Variants in IPO5 observed in about 807,000 individuals in gnomAD.
IPO5 encodes the protein importin 5.
Under a neutral mutation model 143.3 loss-of-function variants are expected in IPO5, and 18 were observed. The observed-to-expected ratio is 0.13, with a 90% CI of 0.09 to 0.19. The LOEUF (loss-of-function observed/expected upper bound fraction) is 0.19. IPO5 is among the 10% of genes least tolerant of loss of function. The pLI is 1.00. For synonymous variants in IPO5, 477 were observed against 465.7 expected (o/e 1.02, Z -0.31); for missense variants, 1,013 against 1,336.9 (o/e 0.76, Z 3.78).
intron 7 of IPO5, among the ~76,000 whole-genome samples, chr13:97,989,541 T>C (rs938995513): frequency 6.6e-6 from 1 of 152,244 alleles, no homozygotes; most frequent in African/African-American, 2.4e-5. Flanking sequence ...ATCCCCATTA[T>C]GTTTTCTGGG....
In IPO5 at chr13:97,999,258, G is replaced by A. The variant is rs909046005; in HGVS notation, c.1002-1281G>A. Among the ~76,000 whole-genome samples the A allele has an allele frequency of 5.9e-5, 9 of 152,250 alleles. No individual in the cohort carries two copies. The South Asian group carries it at 6.2e-4, about 11-fold the overall frequency. On this transcript the variant is annotated intron_variant, in intron 12 of 28. Coordinates refer to ENST00000651721, the MANE Select transcript of IPO5 (RefSeq NM_002271.6). Reference sequence around the variant, plus strand: ...GGCTTTAGAATATATATGCATTTTTGAGACTTAATCCCATTGTTAAAAATG... The same window carrying A: ...GGCTTTAGAATATATATGCATTTTTAAGACTTAATCCCATTGTTAAAAATG...
intron 11 of IPO5, among the ~76,000 whole-genome samples, chr13:97,996,865 T>C (rs779903505): frequency 3.9e-5 from 6 of 152,202 alleles, no homozygotes; most frequent in Non-Finnish European, 7.3e-5. Flanking sequence ...GTGCTGGGAT[T>C]ACAGGCATAA....
At chr13:97,995,862 ATT>A (rs1047617319) in intron 11 of IPO5, among the ~76,000 whole-genome samples, 2 of 152,220 alleles carry the variant, frequency 1.3e-5, no homozygotes, top group African/African-American at 4.8e-5. Context: ...TTACAGATAT[ATT>A]TTACAAGTAA....
chr13:98,006,219 C>G lies in IPO5; in HGVS notation c.1587C>G (p.Pro529=). The G allele has an allele frequency of 6.2e-7, 1 of 1,613,696 alleles. No homozygotes were observed. Among genetic ancestry groups the G allele is most frequent in the Non-Finnish European group, 8.5e-7 (1 of 1,179,706 alleles). The change falls in exon 17 of 29, where the codon CCC becomes CCG. Residue 529 remains proline, a synonymous_variant. Transcript: ENST00000651721. Reference sequence around the variant, plus strand: ...ATACTGCAGAAGAAAAATTTGTCCCCTACTATGATTTATTTATGCCATCAC... The same window carrying G: ...ATACTGCAGAAGAAAAATTTGTCCCGTACTATGATTTATTTATGCCATCAC... ...VADTAEEKFV[P]YYDLFMPSLK... is the part of the protein sequence containing the mutation.
chr13:97,972,710 G>A (rs942934373), intron 3 of IPO5, among the ~76,000 whole-genome samples: 3 of 151,966 alleles, frequency 2.0e-5, no homozygotes, highest in South Asian at 2.1e-4. Flanking sequence ...ATTTTAATGC[G>A]GCCAAAGCAA....
At chr13:97,967,688 G>A (rs1463199024) in intron 2 of IPO5, among the ~76,000 whole-genome samples, 1 of 152,116 alleles carries the variant, frequency 6.6e-6, no homozygotes, top group Non-Finnish European at 1.5e-5. Flanking sequence ...CTGGAGTGCA[G>A]TGGCTCGATC....
chr13:97,974,576 C>G (rs1251970776), intron 3 of IPO5, among the ~76,000 whole-genome samples: 1 of 151,696 alleles, frequency 6.6e-6, no homozygotes, highest in East Asian at 1.9e-4. Flanking sequence ...CCCCAAAGTG[C>G]TGGGATTACA....
At chr13:98,019,833 A>G in intron 27 of IPO5, 24 bp downstream of exon 27, 1 of 1,488,096 alleles carries the variant, frequency 6.7e-7, no homozygotes, top group Non-Finnish European at 9.4e-7. Flanking sequence ...CTGTGACCTT[A>G]TTTCCTTCTC....
At chr13:97,984,131 A>G (rs1887122657) in intron 5 of IPO5, among the ~76,000 whole-genome samples, 2 of 149,752 alleles carry the variant, frequency 1.3e-5, no homozygotes. Context: ...GGCGCCCGCC[A>G]CTACGCCCGG....
intron 4 of IPO5, among the ~76,000 whole-genome samples, chr13:97,978,263 A>G (rs999515287): frequency 6.6e-6 from 1 of 152,142 alleles, no homozygotes; most frequent in African/African-American, 2.4e-5. Flanking sequence ...GGCTTATAAT[A>G]CTATTTACAC....
intron 9 of IPO5, among the ~76,000 whole-genome samples, chr13:97,991,001 A>G (rs1369794899): frequency 6.6e-6 from 1 of 152,192 alleles, no homozygotes; most frequent in Non-Finnish European, 1.5e-5. Flanking sequence ...GCAAAATAAG[A>G]TGAGACAAGA....
rs1890345051 is a variant in IPO5, at chr13:98,019,562, T to C, written c.2837-19T>C. 6.4e-7 allele frequency: 1 copy of C among 1,565,238 alleles called. No homozygotes were observed. The highest frequency in any genetic ancestry group is 8.8e-7 in the Non-Finnish European group (1 of 1,137,734). On this transcript the variant is annotated intron_variant, in intron 26 of 28. Coordinates refer to ENST00000651721, the MANE Select transcript of IPO5 (RefSeq NM_002271.6). ...AAATGTGAGGTTTTAGCTGAACTTC[T>C]TTCAAATGCTTATTTTAGAAGCACT...
chr13:97,984,069 C>T (rs948144291), intron 5 of IPO5, among the ~76,000 whole-genome samples: 17 of 145,232 alleles, frequency 1.2e-4, no homozygotes, highest in African/African-American at 3.5e-4. Context: ...AGCTCCGCCT[C>T]CCGGGTTCAC....
chr13:98,021,663 A>C (rs1269581682), intron 28 of IPO5, 73 bp from the exon 29 acceptor site: 4 of 819,904 alleles, frequency 4.9e-6, no homozygotes, highest in Non-Finnish European at 7.5e-6. Context: ...ATTACAGTTT[A>C]CCTATGATGA....
intron 18 of IPO5, among the ~76,000 whole-genome samples, chr13:98,008,467 AGAATT>A (rs1290717071): frequency 2.0e-5 from 3 of 152,146 alleles, no homozygotes; most frequent in African/African-American, 7.2e-5. Context: ...TCAGATCTTC[AGAATT>A]GAAGATTCAT....
At chr13:98,015,270 G>GTGTGTGTGTT in intron 22 of IPO5, among the ~76,000 whole-genome samples, 1 of 151,752 alleles carries the variant, frequency 6.6e-6, no homozygotes, top group Admixed American at 6.6e-5. Flanking sequence ...GTGTGTGTGT[G>GTGTGTGTGTT]TTTTCCATCT....
At chr13:98,001,385 A>G (rs900618578) in intron 13 of IPO5, among the ~76,000 whole-genome samples, 2 of 152,108 alleles carry the variant, frequency 1.3e-5, no homozygotes, top group African/African-American at 4.8e-5. Flanking sequence ...GCCCAGGGTA[A>G]TGTGATCTCA....
At chr13:97,993,312 G>A in intron 11 of IPO5, 87 bp downstream of exon 11, 2 of 1,119,712 alleles carry the variant, frequency 1.8e-6, no homozygotes, top group African/African-American at 1.5e-5. Context: ...TTCTCAGATT[G>A]TTGAGAATAT....
At chr13:98,008,470 A>C (rs1385873832) in intron 18 of IPO5, among the ~76,000 whole-genome samples, 5 of 152,174 alleles carry the variant, frequency 3.3e-5, no homozygotes, top group Non-Finnish European at 5.9e-5. Context: ...GATCTTCAGA[A>C]TTGAAGATTC....
Sources: gnomAD v4.1 joint callset for allele counts (sites outside exome capture counted in the v4.1 genomes callset) on GRCh38, gnomAD v4.1.1 for gene constraint, MANE v1.5 for transcripts, NCBI Gene and HGNC (gene_info 2026-07-23, HGNC 2026-07-21) for gene names.